The following FXYD6 variants were observed in gnomAD, a reference collection of about 807,000 sequenced individuals.
FXYD6 encodes FXYD domain-containing ion transport regulator 6.
A neutral mutation model predicts 16.7 loss-of-function variants in FXYD6; 7 were observed. The observed-to-expected ratio is 0.42, with a 90% confidence interval of 0.24 to 0.79. FXYD6 has a LOEUF of 0.79. Ranked by LOEUF, FXYD6 falls within the 30% of genes least tolerant of loss-of-function variation. The pLI is 0.28. For missense variants in FXYD6, 111 were observed against 116.2 expected, an observed-to-expected ratio of 0.95 and a Z score of 0.21; for synonymous variants, 49 against 43.0, an observed-to-expected ratio of 1.14 and a Z score of -0.54.
intron 1 of FXYD6, among the ~76,000 whole-genome samples, chr11:117,853,778 C>A (rs11216582): frequency 0.085 from 12,980 of 152,162 alleles, 667 homozygotes; most frequent in African/African-American, 0.15. Context: ...CAGGCATGAG[C>A]CACCATGCCT....
At chr11:117,843,995 C>G (rs1221869797) in intron 1 of FXYD6, 1 of 152,250 alleles carries the variant, frequency 6.6e-6, no homozygotes, top group Non-Finnish European at 1.5e-5. Flanking sequence ...TTTTCCTGAA[C>G]CAGGAAAGCC....
intron 1 of FXYD6, among the ~76,000 whole-genome samples, chr11:117,874,334 T>C (rs4938446): frequency 6.6e-6 from 1 of 152,020 alleles, no homozygotes; most frequent in Non-Finnish European, 1.5e-5. Context: ...CTACCGTCTG[T>C]CAACCATAGA....
At position 117,841,984 on chromosome 11, in the gene FXYD6, G is replaced by A. The variant is rs1000884798; in HGVS notation, c.97+6C>T. 1.3e-5 allele frequency: 21 copies of A among 1,614,010 alleles called. No homozygotes were observed. In the African/African-American group the frequency reaches 1.9e-4, roughly 14 times the overall value. On this transcript the variant is annotated splice_donor_region_variant and intron_variant, in intron 3 of 7. Transcript: ENST00000526014. ...GACCCCTGCACCCAGGGTTGCCATC[G>A]CTCACCATAATGAAAAGGGTCCATT...
At chr11:117,841,006 T>A in intron 5 of FXYD6, 142 bp downstream of exon 5, 1 of 1,096,314 alleles carries the variant, frequency 9.1e-7, no homozygotes. Flanking sequence ...GTCCTCAAAC[T>A]TCCAGCCCTA....
In FXYD6 at chr11:117,872,721, A is replaced by G. The variant is rs2057167053; in HGVS notation, c.-6+3871T>C. 6.6e-6 allele frequency among the ~76,000 whole-genome samples: 1 copy of G among 152,040 alleles called. No individual in the cohort carries two copies. The highest frequency in any genetic ancestry group is 6.5e-5 in the Admixed American group (1 of 15,274). ...TTTCCCAGGCTGTGTGCTCCCTCCC[A>G]CATCTTTGTAACAAACATGTTCCTG... On this transcript the variant is annotated intron_variant, in intron 1 of 7. Transcript: ENST00000526014. This position sits in a 1 kb window ranked among gnomAD's most constrained non-coding sequence, Gnocchi z 4.9.
intron 1 of FXYD6, among the ~76,000 whole-genome samples, chr11:117,857,818 G>C (rs2056770191): frequency 6.6e-6 from 1 of 152,120 alleles, no homozygotes; most frequent in Admixed American, 6.5e-5. Context: ...TGGAGACAAA[G>C]GACTGGCCCC....
intron 1 of FXYD6, among the ~76,000 whole-genome samples, chr11:117,853,093 A>C (rs1338508725): frequency 3.3e-5 from 5 of 151,964 alleles, no homozygotes; most frequent in Non-Finnish European, 7.4e-5. Flanking sequence ...ATAATTCCAA[A>C]CTCTTAAATC....
At chr11:117,845,424 T>A (rs2056447274) in intron 1 of FXYD6, among the ~76,000 whole-genome samples, 1 of 152,254 alleles carries the variant, frequency 6.6e-6, no homozygotes, top group Admixed American at 6.5e-5. Flanking sequence ...CTAAATATTA[T>A]GTTGCTTAGT....
At chr11:117,851,514 C>T (rs1487677563) in intron 1 of FXYD6, among the ~76,000 whole-genome samples, 1 of 152,240 alleles carries the variant, frequency 6.6e-6, no homozygotes, top group Non-Finnish European at 1.5e-5. Flanking sequence ...TCCCTGATTC[C>T]ATACCCTCAG....
At chr11:117,853,439 T>C (rs1234337719) in intron 1 of FXYD6, among the ~76,000 whole-genome samples, 2 of 152,238 alleles carry the variant, frequency 1.3e-5, no homozygotes, top group Admixed American at 1.3e-4. Flanking sequence ...GGGTGCATTC[T>C]AAGAGTAACT....
At chr11:117,841,300 C>G in intron 4 of FXYD6, 116 bp from the exon 5 acceptor site, 1 of 1,346,724 alleles carries the variant, frequency 7.4e-7, no homozygotes, top group East Asian at 2.4e-5. Flanking sequence ...GGGCAGTGCA[C>G]AGTTTGCACA....
intron 1 of FXYD6, among the ~76,000 whole-genome samples, chr11:117,855,463 TTG>T: frequency 6.6e-6 from 1 of 152,238 alleles, no homozygotes; most frequent in East Asian, 1.9e-4. Flanking sequence ...CAGAATGCCT[TTG>T]TCTCACTGCT....
At chr11:117,850,052 G>A (rs913941957) in intron 1 of FXYD6, among the ~76,000 whole-genome samples, 5 of 152,082 alleles carry the variant, frequency 3.3e-5, no homozygotes, top group African/African-American at 9.7e-5. Context: ...CCCTGACTAC[G>A]CTTGCTCAGA....
chr11:117,873,185 C>T (rs1020035703), intron 1 of FXYD6, among the ~76,000 whole-genome samples: 1 of 152,194 alleles, frequency 6.6e-6, no homozygotes, highest in Non-Finnish European at 1.5e-5. Context: ...GAAAAGGAAA[C>T]TTTCTCCAGG....
intron 5 of FXYD6, 49 bp from the exon 6 acceptor site, chr11:117,840,417 CCCAGAGAGCATCGTTCTGCTCCTCACTG>C (rs557049060): frequency 1.2e-5 from 19 of 1,613,112 alleles, no homozygotes; most frequent in Non-Finnish European, 1.6e-5. Context: ...CCAGGGCAGA[CCCAGAGAGCATCGTTCTGCTCCTCACTG>C]GGGCACAGCT....
chr11:117,874,539 T>G (rs1356547585), intron 1 of FXYD6, among the ~76,000 whole-genome samples: 2 of 152,176 alleles, frequency 1.3e-5, no homozygotes, highest in African/African-American at 4.8e-5. Context: ...GCCCCTCTCC[T>G]TCCCTCTTTC....
rs773442504 is a variant in FXYD6 at position 117,838,238 on chromosome 11, T to G, written c.*61A>C. 1.4e-6 allele frequency: 1 copy of G among 702,542 alleles called. No homozygotes were observed. Among genetic ancestry groups the G allele is most frequent in the South Asian group, 1.5e-5 (1 of 67,596 alleles). 43.5% of individuals were successfully genotyped at this position (702,542 alleles called of 1,614,324 possible). On this transcript the variant is annotated 3_prime_UTR_variant, in exon 8 of 8. Transcript: ENST00000526014. ...GCCGGTTTTCTTAAGCATCGACATT[T>G]GCATCCAAAGGTTCAAGCAGCCGCC...
intron 2 of FXYD6, among the ~76,000 whole-genome samples, chr11:117,842,474 G>C (rs904014431): frequency 6.6e-6 from 1 of 152,210 alleles, no homozygotes; most frequent in African/African-American, 2.4e-5. Flanking sequence ...TGAGCTTGCG[G>C]GGCTTAAAAA....
intron 1 of FXYD6, among the ~76,000 whole-genome samples, chr11:117,874,771 G>T (rs1044137509): frequency 1.3e-5 from 2 of 152,260 alleles, no homozygotes; most frequent in Non-Finnish European, 2.9e-5. Context: ...TCAGTGCCCA[G>T]CTTCTGGAGC....
Sources: gnomAD v4.1 joint callset for allele counts (sites outside exome capture counted in the v4.1 genomes callset) on GRCh38, gnomAD v4.1.1 for gene constraint, Gnocchi (gnomAD v3.1) non-coding constraint, MANE v1.5 for transcripts, NCBI Gene and HGNC (gene_info 2026-07-23, HGNC 2026-07-21) for gene names.